The following VPS13B variants were observed in gnomAD, a reference collection of about 807,000 sequenced individuals.
VPS13B encodes vacuolar protein sorting 13 homolog B.
VPS13B carries 285 observed loss-of-function variants against 426.4 expected under a neutral mutation model. That is an observed-to-expected ratio of 0.67 (90% confidence interval 0.61 to 0.74). The LOEUF (loss-of-function observed/expected upper bound fraction) is 0.74. Among genes scored for constraint, VPS13B ranks in the 30% least tolerant of loss-of-function variants. The pLI, the probability that VPS13B is intolerant of heterozygous loss-of-function variation, is 0.00. For missense variants in VPS13B, 4,537 were observed against 4,782.6 expected (o/e 0.95, Z 1.51); for synonymous variants, 1,676 against 1,676.4 (o/e 1.00, Z 0.01).
intron 54 of VPS13B, among the ~76,000 whole-genome samples, chr8:99,844,548 A>C (rs1252862133): frequency 6.6e-6 from 1 of 151,870 alleles, no homozygotes; most frequent in Non-Finnish European, 1.5e-5. Context: ...TTGTATTTTT[A>C]GGAGAGATGA....
At chr8:99,085,986 C>G (rs549505215) in intron 3 of VPS13B, among the ~76,000 whole-genome samples, 1 of 152,022 alleles carries the variant, frequency 6.6e-6, no homozygotes, top group Non-Finnish European at 1.5e-5. Context: ...TCTGTATTTC[C>G]TGAATTTGAA....
chr8:99,512,734 G>T (rs989059210), intron 29 of VPS13B, among the ~76,000 whole-genome samples: 7 of 152,184 alleles, frequency 4.6e-5, no homozygotes, highest in African/African-American at 1.4e-4. Flanking sequence ...CATGGGCTGG[G>T]CACGGTGGCT....
At chr8:99,101,086 T>C (rs1846713810) in intron 4 of VPS13B, among the ~76,000 whole-genome samples, 4 of 151,576 alleles carry the variant, frequency 2.6e-5, no homozygotes, top group African/African-American at 4.8e-5. Context: ...TTTTGAGAAA[T>C]AGGGAAACCA....
chr8:99,199,583 C>A (rs887033832), intron 17 of VPS13B, among the ~76,000 whole-genome samples: 2 of 152,118 alleles, frequency 1.3e-5, no homozygotes, highest in African/African-American at 4.8e-5. Flanking sequence ...TTGATAGTTA[C>A]CTACCAACAA....
chr8:99,744,166 A>C (rs1809936661), intron 39 of VPS13B, among the ~76,000 whole-genome samples: 1 of 152,234 alleles, frequency 6.6e-6, no homozygotes, highest in South Asian at 2.1e-4. Context: ...AAGGATATGA[A>C]CAGACGCTTC....
chr8:99,186,601 A>G (rs1273924010), intron 16 of VPS13B, among the ~76,000 whole-genome samples: 1 of 152,170 alleles, frequency 6.6e-6, no homozygotes, highest in Non-Finnish European at 1.5e-5. Context: ...GTAAGATACC[A>G]TCTATACCCA....
At chr8:99,579,973 C>T (rs1431202452) in intron 33 of VPS13B, among the ~76,000 whole-genome samples, 4 of 152,144 alleles carry the variant, frequency 2.6e-5, no homozygotes, top group Non-Finnish European at 5.9e-5. Context: ...GCTGAGATTA[C>T]AGGCGTGAGC....
chr8:99,813,511 A>G (rs1310557827), intron 44 of VPS13B, among the ~76,000 whole-genome samples: 3 of 152,270 alleles, frequency 2.0e-5, no homozygotes, highest in African/African-American at 7.2e-5. Flanking sequence ...CTATGGCATC[A>G]TAAGACTTAT....
rs758076178 is a variant in VPS13B at position 99,384,228 on chromosome 8, A to C, written c.2845A>C (p.Ile949Leu). The C allele has an allele frequency of 1.9e-6, 3 of 1,613,848 alleles. No homozygotes were observed. In the Admixed American group the frequency reaches 5.0e-5, roughly 27 times the overall value. The change falls in exon 20 of 62, where the codon ATA becomes CTA. Residue 949 changes from isoleucine (I) to leucine (L), a missense_variant. Transcript: ENST00000357162. ...TTTAGGTGCTGTACTTCTTTGCAGT[A>C]TACAAGGACTAGCAGTTAATATTGA... ...HNSGAVLLCS[I>L]QGLAVNIDPI...
chr8:99,823,692 A>T, intron 50 of VPS13B, 140 bp from the exon 51 acceptor site: 4 of 888,532 alleles, frequency 4.5e-6, no homozygotes, highest in Non-Finnish European at 7.1e-6. Flanking sequence ...GAACGCCATT[A>T]AATATTCTGG....
intron 39 of VPS13B, among the ~76,000 whole-genome samples, chr8:99,741,637 G>T (rs535234730): frequency 6.6e-6 from 1 of 152,332 alleles, no homozygotes; most frequent in South Asian, 2.1e-4. Flanking sequence ...TCAGACCACA[G>T]TGCAATCAAA....
chr8:99,628,810 C>T (rs1229379606), intron 33 of VPS13B, among the ~76,000 whole-genome samples: 1 of 151,542 alleles, frequency 6.6e-6, no homozygotes, highest in Non-Finnish European at 1.5e-5. Flanking sequence ...CAGGATCTCG[C>T]TTTGTCACCT....
intron 44 of VPS13B, among the ~76,000 whole-genome samples, 178 bp from the exon 45 acceptor site, chr8:99,817,362 T>G (rs916513187): frequency 6.6e-6 from 1 of 152,084 alleles, no homozygotes; most frequent in South Asian, 2.1e-4. Context: ...AAACTCAACA[T>G]GGCCAAAGCA....
chr8:99,178,478 C>T (rs1287586755), intron 16 of VPS13B, among the ~76,000 whole-genome samples: 1 of 152,130 alleles, frequency 6.6e-6, no homozygotes, highest in African/African-American at 2.4e-5. Context: ...TTTTGATACT[C>T]ACAACCAACC....
At chr8:99,313,188 C>T (rs1048028381) in intron 19 of VPS13B, among the ~76,000 whole-genome samples, 1 of 152,190 alleles carries the variant, frequency 6.6e-6, no homozygotes, top group African/African-American at 2.4e-5. Flanking sequence ...GTTCTCCATC[C>T]AGCTTTGTTC....
intron 24 of VPS13B, 89 bp from the exon 25 acceptor site, chr8:99,481,510 A>G: frequency 7.3e-7 from 1 of 1,366,980 alleles, no homozygotes; most frequent in South Asian, 1.2e-5. Flanking sequence ...ATTTCTCTGG[A>G]ATAGTTAATT....
chr8:99,851,626 G>A (rs1434030893), intron 55 of VPS13B, among the ~76,000 whole-genome samples: 1 of 152,124 alleles, frequency 6.6e-6, no homozygotes, highest in African/African-American at 2.4e-5. Flanking sequence ...AACTTCCCAG[G>A]CAGAGGGCAC....
intron 17 of VPS13B, among the ~76,000 whole-genome samples, chr8:99,265,415 G>A (rs1818245172): frequency 6.6e-6 from 1 of 152,106 alleles, no homozygotes; most frequent in Non-Finnish European, 1.5e-5. Context: ...TTTCCTTCTT[G>A]AGGTTTCTAA....
At chr8:99,517,234 A>G (rs1822130931) in intron 29 of VPS13B, among the ~76,000 whole-genome samples, 1 of 152,200 alleles carries the variant, frequency 6.6e-6, no homozygotes, top group Non-Finnish European at 1.5e-5. Flanking sequence ...TTCAGGTTGG[A>G]ATTAAGAAAA....
Sources: allele counts gnomAD v4.1 joint callset (sites outside exome capture counted in the v4.1 genomes callset), GRCh38; gene constraint gnomAD v4.1.1; transcripts MANE v1.5; gene names NCBI Gene and HGNC (gene_info 2026-07-23, HGNC 2026-07-21).